Variants in ZFYVE1 observed in about 807,000 individuals in gnomAD.
ZFYVE1 encodes the protein zinc finger FYVE domain-containing protein 1.
A neutral mutation model predicts 74.4 loss-of-function variants in ZFYVE1; 30 were observed. The observed-to-expected ratio is 0.40, with a 90% CI of 0.30 to 0.55. ZFYVE1 has a LOEUF of 0.55. ZFYVE1 is among the 20% of genes least tolerant of loss of function. ZFYVE1 has a pLI of 0.42. For synonymous variants in ZFYVE1, 335 were observed against 385.1 expected, an observed-to-expected ratio of 0.87 and a Z score of 1.52; for missense variants, 703 against 1,011.6, an observed-to-expected ratio of 0.69 and a Z score of 4.14.
Position 72,975,599 on chromosome 14 carries a change from C to A in ZFYVE1, c.1758G>T (p.Leu586=). Residue 586 remains leucine, a synonymous_variant, in exon 9 of 12, where the codon CTG becomes CTT. Transcript: ENST00000556143. This position sits in a 1 kb window ranked among gnomAD's most constrained non-coding sequence, Gnocchi z 4.1. The part of the protein sequence containing the change: ...LGPTKAVTSW[L]TDQIAPAYWR... The stretch of plus-strand genomic sequence containing the variant: ...AGTAGGCAGGGGCGATCTGGTCTGT[C>A]AGCCAGGAAGTCACAGCCTTGGTGG... The A allele has an allele frequency of 6.2e-7, 1 of 1,614,138 alleles. No homozygotes were observed. The highest frequency in any genetic ancestry group is 8.5e-7 in the Non-Finnish European group (1 of 1,180,002).
Position 72,975,527 on chromosome 14 carries a change from G to T in ZFYVE1, c.1806+24C>A. On this transcript the variant is annotated intron_variant, in intron 9 of 11. Coordinates refer to ENST00000556143, the MANE Select transcript of ZFYVE1 (RefSeq NM_021260.4). This position sits in a 1 kb window ranked among gnomAD's most constrained non-coding sequence, Gnocchi z 4.1. The stretch of plus-strand genomic sequence containing the variant: ...AGTAGGATGGGCTGTGCCAGGAGTG[G>T]AGGGGCATCCTGGCACACCATACCA... The T allele has an allele frequency of 1.3e-6, 2 of 1,599,642 alleles. No individual in the cohort carries two copies. Among genetic ancestry groups the T allele is most frequent in the Non-Finnish European group, 1.7e-6 (2 of 1,172,456 alleles).
At chr14:73,020,503 C>A (rs1894295951) in intron 2 of ZFYVE1, among the ~76,000 whole-genome samples, 1 of 152,124 alleles carries the variant, frequency 6.6e-6, no homozygotes, top group Admixed American at 6.6e-5. Flanking sequence ...CAGGTGCACA[C>A]CACCACACCA....
At chr14:72,980,205 G>A (rs1193353261) in intron 5 of ZFYVE1, among the ~76,000 whole-genome samples, 1 of 152,240 alleles carries the variant, frequency 6.6e-6, no homozygotes, top group Non-Finnish European at 1.5e-5. Flanking sequence ...GGCAAGGTCA[G>A]AGGTGGTTCT....
chr14:72,985,659 T>C (rs1351775005), intron 4 of ZFYVE1, among the ~76,000 whole-genome samples: 2 of 145,040 alleles, frequency 1.4e-5, no homozygotes, highest in South Asian at 2.1e-4. Flanking sequence ...AATGAGATGA[T>C]ACAGAAAGAA....
At chr14:73,000,441 A>AAAAAAAT (rs1324002137) in intron 2 of ZFYVE1, among the ~76,000 whole-genome samples, 1 of 152,016 alleles carries the variant, frequency 6.6e-6, no homozygotes, top group East Asian at 1.9e-4. Flanking sequence ...TGTCTCTATA[A>AAAAAAAT]AAAAAATTAA....
chr14:73,004,485 G>A (rs1484031186), intron 2 of ZFYVE1, among the ~76,000 whole-genome samples: 1 of 151,952 alleles, frequency 6.6e-6, no homozygotes, highest in Admixed American at 6.6e-5. Flanking sequence ...TAACTCATAT[G>A]GGATGGAAAG....
chr14:72,974,350 C>A (rs978390904), intron 10 of ZFYVE1, among the ~76,000 whole-genome samples, 157 bp from the exon 11 acceptor site: 3 of 152,152 alleles, frequency 2.0e-5, no homozygotes, highest in Non-Finnish European at 4.4e-5. Flanking sequence ...TCAGGTCAGC[C>A]CAGACTCTGA....
rs1306035040 is a variant in ZFYVE1, at chr14:72,975,713, C to T, written c.1644G>A (p.Gly548=). The change falls in exon 9 of 12, where the codon GGG becomes GGA. Residue 548 remains glycine (G), a synonymous_variant. Coordinates refer to ENST00000556143, the MANE Select transcript of ZFYVE1 (RefSeq NM_021260.4). The surrounding 1 kb of genome is among the most constrained non-coding windows in gnomAD (Gnocchi z 4.1). ...CAGCATTGTTGTTGTCCTTCAGAAACCCATCAGTCTGAAATGAAAACGCAG... is the reference window on the plus strand; with the variant it reads ...CAGCATTGTTGTTGTCCTTCAGAAATCCATCAGTCTGAAATGAAAACGCAG... ...EIVHVWPGTD[G]FLKDNNNAAQ... The T allele has an allele frequency of 2.5e-6, 4 of 1,613,740 alleles. No homozygotes were observed. Among genetic ancestry groups the T allele is most frequent in the Non-Finnish European group, 3.4e-6 (4 of 1,179,874 alleles).
In ZFYVE1 at chr14:73,024,083, C is replaced by A; in HGVS notation, c.426G>T (p.Lys142Asn). 6.2e-7 allele frequency: 1 copy of A among 1,614,200 alleles called. No homozygotes were observed. Among genetic ancestry groups the A allele is most frequent in the Non-Finnish European group, 8.5e-7 (1 of 1,180,046 alleles). The change falls in exon 2 of 12, where the codon AAG (lysine) becomes AAT (asparagine). Residue 142 changes from lysine (K) to asparagine (N), a missense_variant. By Grantham distance (94) the Lys-to-Asn change is moderately conservative. This residue lies in a region of ZFYVE1 where 211 missense variants were observed against 221.7 expected (regional missense o/e 0.95). Transcript: ENST00000556143. Reference sequence around the variant, plus strand: ...AACTCACAACCTTCTCAGTCATCTTCTTCCTCTTGGTCTCCTCATCCATCT... The same window carrying A: ...AACTCACAACCTTCTCAGTCATCTTATTCCTCTTGGTCTCCTCATCCATCT... ...AEEMDEETKR[K>N]KMTEKVVSFL... is the part of the protein sequence containing the mutation.
At chr14:72,977,189 C>T (rs1200951283) in intron 8 of ZFYVE1, among the ~76,000 whole-genome samples, 1 of 152,204 alleles carries the variant, frequency 6.6e-6, no homozygotes, top group Admixed American at 6.5e-5. Flanking sequence ...GGGCAGGTCA[C>T]CTGAGGTCGG....
chr14:73,002,281 G>A (rs1452102830), intron 2 of ZFYVE1, among the ~76,000 whole-genome samples: 1 of 152,104 alleles, frequency 6.6e-6, no homozygotes, highest in East Asian at 1.9e-4. Flanking sequence ...AGGAGGGAGA[G>A]ACTGCTAAAG....
rs1241216998 is a variant in ZFYVE1, at chr14:72,969,597, G to A, written c.*1285C>T. ...CATGTCACACCGATAGGCGCACCAG[G>A]AATGACCGCCATATACTTCCCTAAA... On this transcript the variant is annotated 3_prime_UTR_variant, in exon 12 of 12. Coordinates refer to ENST00000556143, the MANE Select transcript of ZFYVE1 (RefSeq NM_021260.4). 14 of 659,674 alleles carry A rather than the reference G, an allele frequency of 2.1e-5. No individual in the cohort carries two copies. The highest frequency in any genetic ancestry group is 4.5e-5 in the Admixed American group (2 of 44,340). 40.9% of individuals were successfully genotyped at this position (659,674 alleles called of 1,614,324 possible). A position where few individuals can be genotyped will look rare whatever the true frequency, so the allele number is the denominator to read the frequency against.
rs1167584546 is a variant in ZFYVE1 at position 72,975,667 on chromosome 14, T to C, written c.1690A>G (p.Met564Val). 6.2e-7 allele frequency: 1 copy of C among 1,614,092 alleles called. No homozygotes were observed. The highest frequency in any genetic ancestry group is 1.7e-5 in the Admixed American group (1 of 60,014). Residue 564 changes from methionine (M) to valine (V), a missense_variant, in exon 9 of 12, where the codon ATG becomes GTG. Met to Val is a conservative substitution (Grantham distance 21, BLOSUM62 1). Transcript: ENST00000556143. The surrounding 1 kb of genome is among the most constrained non-coding windows in gnomAD (Gnocchi z 4.1). ...GACACCGACTGAGCCATGAAGTTCATCCCGTCCAACAGGCGCTGGGCAGCA... is the reference window on the plus strand; with the variant it reads ...GACACCGACTGAGCCATGAAGTTCACCCCGTCCAACAGGCGCTGGGCAGCA... ...NNAAQRLLDG[M>V]NFMAQSVSEL...
chr14:73,025,693 CAAAAAAA>C (rs34131740), intron 1 of ZFYVE1, among the ~76,000 whole-genome samples: 3 of 76,242 alleles, frequency 3.9e-5, no homozygotes, highest in African/African-American at 1.1e-4. Flanking sequence ...AAGACTCCCT[CAAAAAAA>C]AAAAAAAAAA....
intron 2 of ZFYVE1, among the ~76,000 whole-genome samples, chr14:73,023,201 A>G (rs1894357991): frequency 7.3e-6 from 1 of 137,016 alleles, no homozygotes; most frequent in Non-Finnish European, 1.5e-5. Flanking sequence ...TATTTTATAT[A>G]TGTTTTATAT....
At chr14:72,974,339 G>A (rs1237431981) in intron 10 of ZFYVE1, 146 bp from the exon 11 acceptor site, 2 of 743,128 alleles carry the variant, frequency 2.7e-6, no homozygotes, top group African/African-American at 1.7e-5. Context: ...TGTGCTGTGG[G>A]TCAGGTCAGC....
chr14:72,985,576 C>T (rs951076134), intron 4 of ZFYVE1, among the ~76,000 whole-genome samples: 1 of 151,800 alleles, frequency 6.6e-6, no homozygotes, highest in African/African-American at 2.4e-5. Flanking sequence ...AAGTGATCCA[C>T]CCAACTCAGC....
Position 73,026,983 on chromosome 14 carries a change from G to A in ZFYVE1, c.-492C>T. On this transcript the variant is annotated 5_prime_UTR_variant, in exon 1 of 12. Coordinates refer to ENST00000556143, the MANE Select transcript of ZFYVE1 (RefSeq NM_021260.4). The stretch of plus-strand genomic sequence containing the variant: ...CGGGGGGCCGCAGGGCGCCAGTGGG[G>A]GCAGAGGCTATTCCTCAGGACACCG... The A allele has an allele frequency of 5.0e-6, 2 of 398,868 alleles. No homozygotes were observed. Among genetic ancestry groups the A allele is most frequent in the East Asian group, 3.6e-5 (1 of 28,062 alleles). The allele number at this position is 398,868 out of a possible 1,614,324, so 24.7% of individuals were successfully genotyped here. A position where few individuals can be genotyped will look rare whatever the true frequency, so the allele number is the denominator to read the frequency against.
chr14:73,015,758 T>C (rs1894190051), intron 2 of ZFYVE1, among the ~76,000 whole-genome samples: 1 of 152,096 alleles, frequency 6.6e-6, no homozygotes, highest in Non-Finnish European at 1.5e-5. Context: ...AGCAACACTA[T>C]TCTGGGACTG....
Sources: allele counts gnomAD v4.1 joint callset (sites outside exome capture counted in the v4.1 genomes callset), GRCh38; gene constraint gnomAD v4.1.1; regional missense constraint gnomAD v4.1.1; non-coding constraint Gnocchi (gnomAD v3.1); transcripts MANE v1.5; gene names NCBI Gene and HGNC (gene_info 2026-07-23, HGNC 2026-07-21).